The following METTL8 variants were observed in gnomAD, a reference collection of about 807,000 sequenced individuals.
METTL8 encodes tRNA N(3)-cytidine methyltransferase METTL8, mitochondrial.
A neutral mutation model predicts 48.7 loss-of-function variants in METTL8; 32 were observed. That is an observed-to-expected ratio of 0.66 (90% CI 0.50 to 0.88). The LOEUF is 0.88. METTL8 is among the 40% of genes least tolerant of loss of function. The pLI is 0.00. For synonymous variants in METTL8, 136 were observed against 157.1 expected (o/e 0.87, Z 1.01); for missense variants, 464 against 474.4 (o/e 0.98, Z 0.20).
intron 3 of METTL8, among the ~76,000 whole-genome samples, chr2:171,339,942 T>A (rs1162035188): frequency 6.6e-6 from 1 of 152,216 alleles, no homozygotes; most frequent in African/African-American, 2.4e-5. Context: ...CTCATGCCTG[T>A]AATCCCAGCA....
chr2:171,346,185 C>T (rs192388769), intron 3 of METTL8, among the ~76,000 whole-genome samples: 8 of 152,202 alleles, frequency 5.3e-5, no homozygotes, highest in South Asian at 2.1e-4. Flanking sequence ...CGCACAACCA[C>T]GCCTGGTTAA....
intron 1 of METTL8, among the ~76,000 whole-genome samples, chr2:171,433,552 G>T (rs1461379083): frequency 5.3e-5 from 8 of 152,196 alleles, no homozygotes; most frequent in Non-Finnish European, 1.5e-5. Flanking sequence ...GAACATACAG[G>T]CAGGGCTAGT....
chr2:171,331,835 T>C lies in METTL8; in HGVS notation c.689A>G (p.Asp230Gly). The C allele has an allele frequency of 6.2e-7, 1 of 1,604,418 alleles. No individual in the cohort carries two copies. Among genetic ancestry groups the C allele is most frequent in the Non-Finnish European group, 8.5e-7 (1 of 1,175,124 alleles). ...GAGCTCCACAGCTCCAGAAGCAAAA[T>C]CACAACAATACAGAAAGGACTCCGG... ...NSPESFLYCC[D>G]FASGAVELVK... Residue 230 changes from aspartate to glycine, a missense_variant, in exon 6 of 10, where the codon GAT becomes GGT. Asp to Gly is a moderately conservative substitution (Grantham distance 94). Coordinates refer to ENST00000375258, the MANE Select transcript of METTL8 (RefSeq NM_001321154.2).
chr2:171,373,183 G>A lies in METTL8; in HGVS notation c.144-12670C>T, dbSNP rs941950725. On this transcript the variant is annotated intron_variant, in intron 2 of 9. Coordinates refer to ENST00000375258, the MANE Select transcript of METTL8 (RefSeq NM_001321154.2). ...TTTTTAATGATCACCATTCTAACTG[G>A]TGTGAGATGGTATCTCATTGTGGTT... Among the ~76,000 whole-genome samples, 23 of 152,158 alleles carry A rather than the reference G, an allele frequency of 1.5e-4. 1 individual carries two copies. Among genetic ancestry groups the A allele is most frequent in the Non-Finnish European group, 3.4e-4 (23 of 68,024 alleles).
intron 3 of METTL8, 74 bp from the exon 4 acceptor site, chr2:171,339,628 T>C: frequency 1.4e-6 from 1 of 734,010 alleles, no homozygotes; most frequent in African/African-American, 1.8e-5. Context: ...TCTTGATAAT[T>C]GTTAAACATA....
chr2:171,430,551 A>T (rs1692906314), intron 1 of METTL8, among the ~76,000 whole-genome samples: 1 of 152,126 alleles, frequency 6.6e-6, no homozygotes. Flanking sequence ...TAAATAAATA[A>T]ATAAGAAATT....
intron 1 of METTL8, 88 bp downstream of exon 1, chr2:171,433,795 T>A (rs951947535): frequency 1.3e-5 from 2 of 152,312 alleles, no homozygotes; most frequent in Non-Finnish European, 2.9e-5. Flanking sequence ...TAAGAGTGAA[T>A]GGGAAGCCAG....
At chr2:171,409,990 T>C (rs1037211221) in intron 1 of METTL8, among the ~76,000 whole-genome samples, 4 of 152,084 alleles carry the variant, frequency 2.6e-5, no homozygotes, top group African/African-American at 9.7e-5. Flanking sequence ...CCCAGGAAAC[T>C]ATATAAACTT....
intron 2 of METTL8, among the ~76,000 whole-genome samples, chr2:171,381,061 A>G (rs1016061011): frequency 6.6e-6 from 1 of 152,198 alleles, no homozygotes; most frequent in Admixed American, 6.5e-5. Flanking sequence ...ATATAGACCA[A>G]CGGAACAGAA....
chr2:171,323,918 G>C lies in METTL8; in HGVS notation c.*254C>G, dbSNP rs145505741. ...TAATTGAATGCTTATAAAAATCAAG[G>C]AACAAGCAAAATGGTTAGATGTAAT... On this transcript the variant is annotated 3_prime_UTR_variant, in exon 10 of 10. Coordinates refer to ENST00000375258, the MANE Select transcript of METTL8 (RefSeq NM_001321154.2). 4.1e-3 allele frequency: 1,383 copies of C among 339,778 alleles called. 8 individuals carry two copies. The highest frequency in any genetic ancestry group is 6.9e-3 in the Admixed American group (148 of 21,374). The allele number at this position is 339,778 out of a possible 1,614,324, so 21.0% of individuals were successfully genotyped here.
At chr2:171,332,497 T>A (rs1685650807) in intron 5 of METTL8, 1 of 152,558 alleles carries the variant, frequency 6.6e-6, no homozygotes, top group Admixed American at 6.5e-5. Flanking sequence ...TTAAATATGT[T>A]CTGTTTGGCC....
chr2:171,332,764 G>A (rs558755802), intron 5 of METTL8: 1 of 152,256 alleles, frequency 6.6e-6, no homozygotes, highest in South Asian at 2.1e-4. Flanking sequence ...CTTCTACAGG[G>A]GTGTCAAGAG....
At chr2:171,385,953 A>G (rs1688007203) in intron 2 of METTL8, among the ~76,000 whole-genome samples, 1 of 152,238 alleles carries the variant, frequency 6.6e-6, no homozygotes, top group Admixed American at 6.5e-5. Flanking sequence ...CCTCAACAGA[A>G]TAACTAAAAG....
At chr2:171,421,601 A>G (rs1691887262) in intron 1 of METTL8, among the ~76,000 whole-genome samples, 1 of 152,222 alleles carries the variant, frequency 6.6e-6, no homozygotes. Flanking sequence ...ACTAATGAAG[A>G]TCTAACTAAA....
At chr2:171,332,528 G>C (rs1479951926) in intron 5 of METTL8, 1 of 152,478 alleles carries the variant, frequency 6.6e-6, no homozygotes, top group Non-Finnish European at 1.5e-5. Context: ...ATTCAGTAAT[G>C]ATGGCTGGAC....
chr2:171,427,960 C>A (rs756091625), intron 1 of METTL8, among the ~76,000 whole-genome samples: 11 of 152,084 alleles, frequency 7.2e-5, no homozygotes, highest in Non-Finnish European at 1.5e-5. Context: ...AGTTTAATAA[C>A]CTGAGTATTT....
chr2:171,374,202 CTT>C (rs1467211850), intron 2 of METTL8, among the ~76,000 whole-genome samples: 1 of 152,144 alleles, frequency 6.6e-6, no homozygotes, highest in Non-Finnish European at 1.5e-5. Context: ...ATTTTATTCT[CTT>C]TGAAGCAATT....
At chr2:171,362,922 A>T (rs1685311505) in intron 2 of METTL8, among the ~76,000 whole-genome samples, 1 of 152,188 alleles carries the variant, frequency 6.6e-6, no homozygotes, top group Non-Finnish European at 1.5e-5. Context: ...CAAGTTATTT[A>T]TTGAAAAAAC....
chr2:171,409,424 C>A (rs1395075419), intron 1 of METTL8, among the ~76,000 whole-genome samples: 3 of 151,908 alleles, frequency 2.0e-5, no homozygotes, highest in African/African-American at 7.3e-5. Context: ...TTACGAACAC[C>A]CTCCCACCTC....
Sources: gnomAD v4.1 joint callset for allele counts (sites outside exome capture counted in the v4.1 genomes callset) on GRCh38, gnomAD v4.1.1 for gene constraint, MANE v1.5 for transcripts, NCBI Gene and HGNC (gene_info 2026-07-23, HGNC 2026-07-21) for gene names.